ADGRB2: variants seen among roughly 807,000 people sequenced by gnomAD.
ADGRB2 encodes brain-specific angiogenesis inhibitor 2.
ADGRB2 carries 47 observed loss-of-function variants against 178.7 expected under a neutral mutation model. That is an observed-to-expected ratio of 0.26 (90% CI 0.21 to 0.34). The LOEUF is 0.34. Among genes scored for constraint, ADGRB2 ranks in the 10% least tolerant of loss-of-function variants. The pLI, the probability that ADGRB2 is intolerant of heterozygous loss-of-function variation, is 1.00. For missense variants in ADGRB2, 1,584 were observed against 2,180.8 expected (o/e 0.73, Z 5.45); for synonymous variants, 870 against 912.4 (o/e 0.95, Z 0.84).
intron 8 of ADGRB2, 36 bp downstream of exon 8, chr1:31,742,017 G>A: frequency 6.3e-7 from 1 of 1,589,642 alleles, no homozygotes; most frequent in Non-Finnish European, 8.6e-7. Context: ...CCCATGGTCA[G>A]AGCTGCAACT....
rs114654435 is a variant in ADGRB2 at position 31,730,640 on chromosome 1, A to T, written c.4380+160T>A. 0.025 allele frequency among the ~76,000 whole-genome samples: 3,853 copies of T among 152,304 alleles called. 164 individuals carry two copies. Among genetic ancestry groups the T allele is most frequent in the African/African-American group, 0.088 (3,656 of 41,554 alleles). ...CCTGTCTGAAGGATTCACAGACACC[A>T]CGGAGCTGCCATGAGCAGAAACAGA... is the stretch of plus-strand genomic sequence containing the variant. On this transcript the variant is annotated intron_variant, in intron 29 of 32. Transcript: ENST00000373658.
In ADGRB2 at chr1:31,759,918, A is replaced by T. The variant is rs534995917; in HGVS notation, c.-190-2407T>A. Among the ~76,000 whole-genome samples, 1 of 152,138 alleles carries T rather than the reference A, an allele frequency of 6.6e-6. No individual in the cohort carries two copies. Among genetic ancestry groups the T allele is most frequent in the Non-Finnish European group, 1.5e-5 (1 of 68,028 alleles). On this transcript the variant is annotated intron_variant, in intron 1 of 32. Transcript: ENST00000373658. This position sits in a 1 kb window ranked among gnomAD's most constrained non-coding sequence, Gnocchi z 4.3. Reference sequence around the variant, plus strand: ...CTGAGCCTGTTTCCCTCTCTGTGCAATGCAGACCATGAGCCTTGCCCTGGG... The same window carrying T: ...CTGAGCCTGTTTCCCTCTCTGTGCATTGCAGACCATGAGCCTTGCCCTGGG...
rs149918843 is a variant in ADGRB2 at position 31,755,593 on chromosome 1, G to A, written c.838+406C>T. ...CCAGGCAAACTTGTCAACTTGCAGCGCCAGGGCCTGCCACGATCATTCCCA... is the reference window on the plus strand; with the variant it reads ...CCAGGCAAACTTGTCAACTTGCAGCACCAGGGCCTGCCACGATCATTCCCA... On this transcript the variant is annotated intron_variant, in intron 4 of 32. Transcript: ENST00000373658. The surrounding 1 kb of genome is among the most constrained non-coding windows in gnomAD (Gnocchi z 5.1). Among the ~76,000 whole-genome samples the A allele has an allele frequency of 1.5e-3, 225 of 152,104 alleles. No homozygotes were observed. The highest frequency in any genetic ancestry group is 5.1e-3 in the African/African-American group (213 of 41,494).
Position 31,736,334 on chromosome 1 carries a change from C to T in ADGRB2, c.3187G>A (p.Gly1063Ser), listed in dbSNP as rs1645605522. The T allele has an allele frequency of 6.2e-7, 1 of 1,614,030 alleles. No individual in the cohort carries two copies. The highest frequency in any genetic ancestry group is 8.5e-7 in the Non-Finnish European group (1 of 1,179,982). ...SVGFTRTKGY[G>S]TSSYCWLSLE... ...AGGCCCACGTACTAGCTGGATGTAC[C>T]GTATCCTTTCGTTCGGGTAAAGCCA... Residue 1063 changes from glycine (G) to serine (S), a missense_variant, in exon 22 of 33, where the codon GGT (glycine) becomes AGT (serine). Around this residue, in one of 3 missense-constraint regions of ADGRB2, gnomAD observed 865 missense variants for 1,192.8 expected, o/e 0.73. Transcript: ENST00000373658.
At chr1:31,763,198 C>T (rs953157115) in intron 1 of ADGRB2, among the ~76,000 whole-genome samples, 2 of 149,280 alleles carry the variant, frequency 1.3e-5, no homozygotes, top group African/African-American at 5.0e-5. Flanking sequence ...GGGGAGGGGG[C>T]GCGGAGCAGA....
rs1038829007 is a variant in ADGRB2 at position 31,763,983 on chromosome 1, G to A, written c.-290C>T. The A allele has an allele frequency of 4.1e-6, 4 of 984,246 alleles. No individual in the cohort carries two copies. Among genetic ancestry groups the A allele is most frequent in the African/African-American group, 1.8e-5 (1 of 56,996 alleles). The allele number at this position is 984,246 out of a possible 1,614,324, so 61.0% of individuals were successfully genotyped here. On this transcript the variant is annotated 5_prime_UTR_variant, in exon 1 of 33. Coordinates refer to ENST00000373658, the MANE Select transcript of ADGRB2 (RefSeq NM_001364857.2). ...AAGTCGGGGACCGGGCCGGGCGCAG[G>A]GTAGGTAGCTGCAGCCGCGCGGAGG...
intron 18 of ADGRB2, 71 bp downstream of exon 18, chr1:31,738,129 C>A: frequency 6.3e-7 from 1 of 1,586,364 alleles, no homozygotes. Context: ...CCTGCCAACA[C>A]CATCACTGAT....
At position 31,727,405 on chromosome 1, in the gene ADGRB2, A is replaced by C; in HGVS notation, c.*15T>G. On this transcript the variant is annotated 3_prime_UTR_variant, in exon 33 of 33. Transcript: ENST00000373658. The surrounding 1 kb of genome is among the most constrained non-coding windows in gnomAD (Gnocchi z 4.4). ...ATATATATATTTATATGCAGTGGGC[A>C]GTCCAGCGTGGCACTCACACCTCTG... The C allele has an allele frequency of 6.3e-7, 1 of 1,579,778 alleles. No individual in the cohort carries two copies. Among genetic ancestry groups the C allele is most frequent in the Non-Finnish European group, 8.5e-7 (1 of 1,169,642 alleles).
rs1569702141 is a variant in ADGRB2, at chr1:31,728,664, G to T, written c.4381-31C>A. On this transcript the variant is annotated intron_variant, in intron 29 of 32. Coordinates refer to ENST00000373658, the MANE Select transcript of ADGRB2 (RefSeq NM_001364857.2). This position sits in a 1 kb window ranked among gnomAD's most constrained non-coding sequence, Gnocchi z 6.7. ...AAGGAGCAACAAGGAGGCAATGGAG[G>T]AGAAGAAAGCTTTTTACCACCGGCA... 6.2e-7 allele frequency: 1 copy of T among 1,613,594 alleles called. No individual in the cohort carries two copies. Among genetic ancestry groups the T allele is most frequent in the East Asian group, 2.2e-5 (1 of 44,868 alleles).
intron 20 of ADGRB2, 62 bp downstream of exon 20, chr1:31,737,367 C>A: frequency 6.8e-7 from 1 of 1,468,184 alleles, no homozygotes; most frequent in Non-Finnish European, 9.5e-7. Flanking sequence ...ACACACTGCG[C>A]TCTCCACCCT....
Position 31,744,268 on chromosome 1 carries a change from A to G in ADGRB2, c.1012T>C (p.Ser338Pro), listed in dbSNP as rs765951055. The change falls in exon 6 of 33, where the codon TCC becomes CCC. Residue 338 changes from serine to proline, a missense_variant. This residue lies in a region of ADGRB2 where 657 missense variants were observed against 847.6 expected (regional missense o/e 0.78). Transcript: ENST00000373658. This position sits in a 1 kb window ranked among gnomAD's most constrained non-coding sequence, Gnocchi z 6.7. ...CTGCACAGGGTCCCATAGGGGGAGG[A>G]CACACAGGAGCGGGTCCGCACCTGC... ...GLQVRTRSCV[S>P]SPYGTLCSGP... The G allele has an allele frequency of 2.1e-5, 32 of 1,551,144 alleles. No individual in the cohort carries two copies. The highest frequency in any genetic ancestry group is 2.7e-5 in the African/African-American group (2 of 72,986).
chr1:31,740,771 G>A lies in ADGRB2; in HGVS notation c.1795-230C>T, dbSNP rs116173352. Among the ~76,000 whole-genome samples, 1,288 of 152,044 alleles carry A rather than the reference G, an allele frequency of 8.5e-3. 5 individuals are homozygous for A. The highest frequency in any genetic ancestry group is 0.017 in the Middle Eastern group (5 of 294). On this transcript the variant is annotated intron_variant, in intron 11 of 32. Transcript: ENST00000373658. This position sits in a 1 kb window ranked among gnomAD's most constrained non-coding sequence, Gnocchi z 5.9. The stretch of plus-strand genomic sequence containing the variant: ...AAAAAGACTGAAATAGAAACACCTA[G>A]AGAAAAAAGGTGTTCAGATGTACAT...
chr1:31,760,498 T>G (rs1647007284), intron 1 of ADGRB2, among the ~76,000 whole-genome samples: 1 of 139,464 alleles, frequency 7.2e-6, no homozygotes, highest in African/African-American at 2.7e-5. Flanking sequence ...GGCAAGACTG[T>G]GGGGTAAGGG....
At position 31,728,324 on chromosome 1, in the gene ADGRB2, C is replaced by T. The variant is rs927073100; in HGVS notation, c.4417-44G>A. 6.3e-7 allele frequency: 1 copy of T among 1,581,114 alleles called. No homozygotes were observed. On this transcript the variant is annotated intron_variant, in intron 30 of 32. Transcript: ENST00000373658. This position sits in a 1 kb window ranked among gnomAD's most constrained non-coding sequence, Gnocchi z 6.7. ...CAGAGGGTCGCTCCCCGGGGCAGCA[C>T]CATGATCCCCCCTACCCAGGGCACT...
chr1:31,754,862 G>A lies in ADGRB2; in HGVS notation c.838+1137C>T, dbSNP rs1646755920. On this transcript the variant is annotated intron_variant, in intron 4 of 32. Transcript: ENST00000373658. The surrounding 1 kb of genome is among the most constrained non-coding windows in gnomAD (Gnocchi z 5.7). ...GTCAAAGGTAGAGGCCAACTCCAGG[G>A]CTCTAGCCAGCAGAGCAGGGCTGGG... is the stretch of plus-strand genomic sequence containing the variant. Among the ~76,000 whole-genome samples the A allele has an allele frequency of 1.3e-5, 2 of 152,212 alleles. No individual in the cohort carries two copies. The highest frequency in any genetic ancestry group is 2.4e-5 in the African/African-American group (1 of 41,432).
At position 31,727,942 on chromosome 1, in the gene ADGRB2, G is replaced by C. The variant is rs1419509696; in HGVS notation, c.4572+83C>G. 1.4e-6 allele frequency: 2 copies of C among 1,468,756 alleles called. No individual in the cohort carries two copies. Among genetic ancestry groups the C allele is most frequent in the Admixed American group, 2.1e-5 (1 of 48,198 alleles). 91.0% of individuals were successfully genotyped at this position (1,468,756 alleles called of 1,614,324 possible). Reference sequence around the variant, plus strand: ...GGGAGGCCCTTGGTGAGACAGGCTGGGGTTGCCTGGGAGGGGCAGGAGGGC... The same window carrying C: ...GGGAGGCCCTTGGTGAGACAGGCTGCGGTTGCCTGGGAGGGGCAGGAGGGC... On this transcript the variant is annotated intron_variant, in intron 32 of 32. Coordinates refer to ENST00000373658, the MANE Select transcript of ADGRB2 (RefSeq NM_001364857.2). The surrounding 1 kb of genome is among the most constrained non-coding windows in gnomAD (Gnocchi z 4.4).
chr1:31,763,577 G>C (rs937511352), intron 1 of ADGRB2, among the ~76,000 whole-genome samples: 1 of 149,776 alleles, frequency 6.7e-6, no homozygotes, highest in African/African-American at 2.5e-5. Context: ...CAGCAAGCAC[G>C]GTCTGTGTCA....
chr1:31,732,895 C>G (rs1414232812), intron 26 of ADGRB2, 77 bp downstream of exon 26: 1 of 1,488,562 alleles, frequency 6.7e-7, no homozygotes, highest in Admixed American at 2.2e-5. Context: ...TCGATCCTCC[C>G]GGTCTGCACA....
rs1377227394 is a variant in ADGRB2 at position 31,755,854 on chromosome 1, G to A, written c.838+145C>T. 1.7e-6 allele frequency: 2 copies of A among 1,147,894 alleles called. No homozygotes were observed. Among genetic ancestry groups the A allele is most frequent in the African/African-American group, 1.6e-5 (1 of 64,168 alleles). 71.1% of individuals were successfully genotyped at this position (1,147,894 alleles called of 1,614,324 possible). A position where few individuals can be genotyped will look rare whatever the true frequency, so the allele number is the denominator to read the frequency against. On this transcript the variant is annotated intron_variant, in intron 4 of 32. Transcript: ENST00000373658. The surrounding 1 kb of genome is among the most constrained non-coding windows in gnomAD (Gnocchi z 5.1). ...TGAGGTCTCACTGCCATGCATTTTGGTGACCGCAACATTTGGACAAGGCTC... is the reference window on the plus strand; with the variant it reads ...TGAGGTCTCACTGCCATGCATTTTGATGACCGCAACATTTGGACAAGGCTC...
Sources: gnomAD v4.1 joint callset for allele counts (sites outside exome capture counted in the v4.1 genomes callset) on GRCh38, gnomAD v4.1.1 for gene constraint, gnomAD v4.1.1 regional missense constraint, Gnocchi (gnomAD v3.1) non-coding constraint, MANE v1.5 for transcripts, NCBI Gene and HGNC (gene_info 2026-07-23, HGNC 2026-07-21) for gene names.